CWH43: variants seen among roughly 807,000 people sequenced by gnomAD.
CWH43 encodes cell wall biogenesis 43 C-terminal homolog.
Under a neutral mutation model 85.7 loss-of-function variants are expected in CWH43, and 91 were observed. That is an observed-to-expected ratio of 1.06 (90% CI 0.90 to 1.26). The LOEUF (loss-of-function observed/expected upper bound fraction) is 1.26, where lower values mean the gene tolerates loss of function less well. Ranked by LOEUF, CWH43 falls within the 50% of genes most tolerant of loss-of-function variation. The pLI, the probability that CWH43 is intolerant of heterozygous loss-of-function variation, is 0.00. For synonymous variants in CWH43, 323 were observed against 293.6 expected, an observed-to-expected ratio of 1.10 and a Z score of -1.02; for missense variants, 869 against 839.2, an observed-to-expected ratio of 1.04 and a Z score of -0.44.
chr4:49,007,379 G>A (rs1393995336), intron 8 of CWH43, 53 bp downstream of exon 8: 6 of 1,448,740 alleles, frequency 4.1e-6, no homozygotes, highest in South Asian at 1.5e-5. Flanking sequence ...AATTCTAAAC[G>A]TATGAAATTA....
rs1488066647 is a variant in CWH43 at position 49,051,870 on chromosome 4, C to A, written c.2021+1021C>A. 2.0e-5 allele frequency among the ~76,000 whole-genome samples: 3 copies of A among 152,148 alleles called. No individual in the cohort carries two copies. In the South Asian group the frequency reaches 6.2e-4, roughly 32 times the overall value. On this transcript the variant is annotated intron_variant, in intron 15 of 15. Transcript: ENST00000226432. Reference sequence around the variant, plus strand: ...GGGATTACAGGTGTGAGCCACCGTGCCCGGCCTTGTTTTGTTTTTAAAAGA... The same window carrying A: ...GGGATTACAGGTGTGAGCCACCGTGACCGGCCTTGTTTTGTTTTTAAAAGA...
intron 8 of CWH43, among the ~76,000 whole-genome samples, 164 bp downstream of exon 8, chr4:49,007,490 T>G (rs1241919638): frequency 6.6e-6 from 1 of 152,180 alleles, no homozygotes; most frequent in Admixed American, 6.5e-5. Flanking sequence ...TTTTAAAAAA[T>G]TATACTTTAA....
intron 9 of CWH43, among the ~76,000 whole-genome samples, chr4:49,023,033 A>T (rs1337499375): frequency 6.6e-6 from 1 of 152,042 alleles, no homozygotes; most frequent in African/African-American, 2.4e-5. Context: ...TTTCAATATC[A>T]TTTAATTCTG....
At chr4:49,005,141 G>GA (rs1033275779) in intron 7 of CWH43, among the ~76,000 whole-genome samples, 4 of 151,684 alleles carry the variant, frequency 2.6e-5, no homozygotes, top group East Asian at 1.9e-4. Flanking sequence ...TCTACATTTT[G>GA]AAAAAAAATG....
At chr4:48,993,378 C>CT (rs1782715757) in intron 4 of CWH43, among the ~76,000 whole-genome samples, 1 of 152,180 alleles carries the variant, frequency 6.6e-6, no homozygotes, top group Non-Finnish European at 1.5e-5. Context: ...CCACCGCCTT[C>CT]TCCCATTCCA....
rs146207075 is a variant in CWH43, at chr4:49,054,438, C to T, written c.2021+3589C>T. 1.7e-3 allele frequency among the ~76,000 whole-genome samples: 265 copies of T among 152,156 alleles called. 2 individuals are homozygous for T. Among genetic ancestry groups the T allele is most frequent in the African/African-American group, 5.9e-3 (246 of 41,532 alleles). ...TGTAGTGTATTTTGGAATCTGGTAG[C>T]GTGATGCCTCCAGCTTTGTTCTTTT... On this transcript the variant is annotated intron_variant, in intron 15 of 15. Coordinates refer to ENST00000226432, the MANE Select transcript of CWH43 (RefSeq NM_025087.3).
At chr4:49,058,140 G>T (rs1043498882) in intron 15 of CWH43, among the ~76,000 whole-genome samples, 6 of 151,970 alleles carry the variant, frequency 3.9e-5, no homozygotes, top group Admixed American at 6.5e-5. Flanking sequence ...TTAAAGAATT[G>T]TTTTCTGACT....
intron 13 of CWH43, among the ~76,000 whole-genome samples, chr4:49,042,712 T>C (rs556524658): frequency 6.6e-6 from 1 of 152,252 alleles, no homozygotes; most frequent in African/African-American, 2.4e-5. Context: ...TCACATTGAA[T>C]GTGGCTATCA....
At chr4:49,018,113 T>A (rs1300273951) in intron 9 of CWH43, among the ~76,000 whole-genome samples, 1 of 152,170 alleles carries the variant, frequency 6.6e-6, no homozygotes, top group Non-Finnish European at 1.5e-5. Context: ...ATTACAGGCA[T>A]AAGCCACCAT....
intron 15 of CWH43, among the ~76,000 whole-genome samples, chr4:49,051,454 G>T (rs1489208666): frequency 1.3e-5 from 2 of 152,156 alleles, no homozygotes; most frequent in South Asian, 2.1e-4. Context: ...GACCTCCTGG[G>T]GTGGTATCTG....
At chr4:49,056,269 G>T (rs1462510275) in intron 15 of CWH43, among the ~76,000 whole-genome samples, 1 of 152,038 alleles carries the variant, frequency 6.6e-6, no homozygotes, top group Non-Finnish European at 1.5e-5. Context: ...TAGATGTTTT[G>T]TAGAATTCAC....
In CWH43 at chr4:49,047,859, G is replaced by A. The variant is rs570652299; in HGVS notation, c.1866-2835G>A. 3.9e-5 allele frequency among the ~76,000 whole-genome samples: 6 copies of A among 152,274 alleles called. No individual in the cohort carries two copies. In the East Asian group the frequency reaches 5.8e-4, roughly 15 times the overall value. On this transcript the variant is annotated intron_variant, in intron 14 of 15. Coordinates refer to ENST00000226432, the MANE Select transcript of CWH43 (RefSeq NM_025087.3). ...TGGAGCCATATGCTTACTGAGGTGG[G>A]CCAAGGAGGCCCTTGAGATGCTAAG...
rs1783997764 is a variant in CWH43 at position 49,028,694 on chromosome 4, G to A, written c.1332G>A (p.Trp444Ter). The A allele has an allele frequency of 6.2e-7, 1 of 1,613,664 alleles. No individual in the cohort carries two copies. The highest frequency in any genetic ancestry group is 1.1e-5 in the South Asian group (1 of 91,064). ...PFRFGYDNEGWSSLERSAHLL... is the reference protein window; with the variant it reads ...PFRFGYDNEG Reference sequence around the variant, plus strand: ...GGTTTGGATATGACAATGAAGGGTGGTCTAGTCTAGAAAGATCAGCTCACC... The same window carrying A: ...GGTTTGGATATGACAATGAAGGGTGATCTAGTCTAGAAAGATCAGCTCACC... The change falls in exon 10 of 16, where the codon TGG becomes TGA. Residue 444 changes from tryptophan (W) to a stop codon, truncating the protein, a stop_gained. Transcript: ENST00000226432. LOFTEE classifies it high-confidence loss of function.
At chr4:49,035,809 T>C (rs956947279) in intron 12 of CWH43, among the ~76,000 whole-genome samples, 1 of 152,152 alleles carries the variant, frequency 6.6e-6, no homozygotes, top group Non-Finnish European at 1.5e-5. Flanking sequence ...ATATATTGGA[T>C]TGGAATCCAA....
chr4:49,032,186 G>T (rs115997140), intron 11 of CWH43, among the ~76,000 whole-genome samples: 1 of 152,288 alleles, frequency 6.6e-6, no homozygotes, highest in Non-Finnish European at 1.5e-5. Flanking sequence ...TTTGTAAGTT[G>T]TTACTCCATG....
chr4:49,004,297 A>G (rs1489242917), intron 7 of CWH43, among the ~76,000 whole-genome samples: 2 of 152,248 alleles, frequency 1.3e-5, no homozygotes, highest in Non-Finnish European at 2.9e-5. Flanking sequence ...CTTGTGTTAT[A>G]CGATGCGTTA....
rs1184480621 is a variant in CWH43, at chr4:48,986,877, C to A, written c.43+405C>A. 1.2e-5 allele frequency: 11 copies of A among 924,302 alleles called. No individual in the cohort carries two copies. In the African/African-American group the frequency reaches 1.6e-4, roughly 13 times the overall value. 57.3% of individuals were successfully genotyped at this position (924,302 alleles called of 1,614,324 possible). A position where few individuals can be genotyped will look rare whatever the true frequency, so the allele number is the denominator to read the frequency against. On this transcript the variant is annotated intron_variant, in intron 1 of 15. Transcript: ENST00000226432. ...TTAAAATTCAGAAGGAAAGGGGCAC[C>A]CGTTTTCCCCAGGAGCTGTAGGTGG...
At position 49,032,607 on chromosome 4, in the gene CWH43, A is replaced by G. The variant is rs781596373; in HGVS notation, c.1550A>G (p.His517Arg). The G allele has an allele frequency of 6.2e-7, 1 of 1,614,082 alleles. No individual in the cohort carries two copies. Among genetic ancestry groups the G allele is most frequent in the African/African-American group, 1.3e-5 (1 of 75,038 alleles). ...AGATACCCAATTGTGAAATCTGAGCATCACCTTCTTCCGTCACCAGAGGGC... is the reference window on the plus strand; with the variant it reads ...AGATACCCAATTGTGAAATCTGAGCGTCACCTTCTTCCGTCACCAGAGGGC... ...LSRYPIVKSE[H>R]HLLPSPEGEI... The change falls in exon 12 of 16, where the codon CAT becomes CGT. Residue 517 changes from histidine (H) to arginine (R), a missense_variant. Transcript: ENST00000226432.
At chr4:49,057,720 C>T (rs1785011986) in intron 15 of CWH43, among the ~76,000 whole-genome samples, 1 of 152,104 alleles carries the variant, frequency 6.6e-6, no homozygotes, top group Non-Finnish European at 1.5e-5. Context: ...TTATTGGAGT[C>T]CCCTACTACT....
Sources: gnomAD v4.1 joint callset for allele counts (sites outside exome capture counted in the v4.1 genomes callset) on GRCh38, gnomAD v4.1.1 for gene constraint, MANE v1.5 for transcripts, NCBI Gene and HGNC (gene_info 2026-07-23, HGNC 2026-07-21) for gene names.